Variants in PRKAR1B observed in about 807,000 individuals in gnomAD.
The protein encoded by PRKAR1B is protein kinase cAMP-dependent type I regulatory subunit beta.
Under a neutral mutation model 46.5 loss-of-function variants are expected in PRKAR1B, and 22 were observed. The ratio of observed to expected loss-of-function variants is 0.47; its 90% CI spans 0.34 to 0.68. The LOEUF (loss-of-function observed/expected upper bound fraction) is 0.68, where lower values mean the gene tolerates loss of function less well. PRKAR1B is among the 30% of genes least tolerant of loss of function. The pLI is 0.01. For missense variants in PRKAR1B, 445 were observed against 535.6 expected (o/e 0.83, Z 1.67); for synonymous variants, 259 against 217.7 (o/e 1.19, Z -1.67).
chr7:614,461 C>T (rs1161963805), intron 4 of PRKAR1B, among the ~76,000 whole-genome samples: 3 of 152,194 alleles, frequency 2.0e-5, no homozygotes, highest in African/African-American at 7.2e-5. Flanking sequence ...GCTTAGGAAG[C>T]TGACATGGGC....
intron 4 of PRKAR1B, among the ~76,000 whole-genome samples, chr7:619,041 G>A (rs1039964492): frequency 4.6e-5 from 7 of 152,200 alleles, no homozygotes; most frequent in Non-Finnish European, 8.8e-5. Context: ...CAGACTGGCA[G>A]CAAGACCCTG....
intron 2 of PRKAR1B, among the ~76,000 whole-genome samples, chr7:700,562 T>C (rs1235039374): frequency 6.6e-6 from 1 of 151,968 alleles, no homozygotes; most frequent in Non-Finnish European, 1.5e-5. Flanking sequence ...GATGACGGGA[T>C]TATCAGGTTA....
In PRKAR1B at chr7:616,991, C is replaced by CTTTTT. The variant is rs71016889; in HGVS notation, c.441-9544_441-9540dup. 1.0e-4 allele frequency among the ~76,000 whole-genome samples: 12 copies of CTTTTT among 114,590 alleles called. 1 individual carries two copies. Among genetic ancestry groups the CTTTTT allele is most frequent in the East Asian group, 5.1e-4 (2 of 3,914 alleles). 75.2% of individuals were successfully genotyped at this position (114,590 alleles called of 152,430 possible). A position where few individuals can be genotyped will look rare whatever the true frequency, so the allele number is the denominator to read the frequency against. On this transcript the variant is annotated intron_variant, in intron 4 of 10. Transcript: ENST00000537384. ...AAATCTAAACCCCAACACCCAAGTG[C>CTTTTT]TTTTTTTTTTTTTTTTTTTTGAGAC...
At chr7:626,225 C>T (rs1260220118) in intron 4 of PRKAR1B, among the ~76,000 whole-genome samples, 1 of 152,172 alleles carries the variant, frequency 6.6e-6, no homozygotes, top group Non-Finnish European at 1.5e-5. Flanking sequence ...GGCACAGCAG[C>T]TCACACCTGT....
intron 4 of PRKAR1B, among the ~76,000 whole-genome samples, chr7:621,457 C>T (rs549975858): frequency 6.6e-6 from 1 of 152,214 alleles, no homozygotes; most frequent in East Asian, 1.9e-4. Flanking sequence ...AGTCTGACAA[C>T]ACAGGGACCT....
rs1213695331 is a variant in PRKAR1B, at chr7:549,595, G to T, written c.*835C>A. The T allele has an allele frequency of 1.3e-5, 2 of 152,344 alleles. No homozygotes were observed. The highest frequency in any genetic ancestry group is 6.5e-5 in the Admixed American group (1 of 15,284). The allele number at this position is 152,344 out of a possible 1,614,324, so 9.4% of individuals were successfully genotyped here. A position where few individuals can be genotyped will look rare whatever the true frequency, so the allele number is the denominator to read the frequency against. On this transcript the variant is annotated 3_prime_UTR_variant, in exon 11 of 11. Coordinates refer to ENST00000537384, the MANE Select transcript of PRKAR1B (RefSeq NM_001164760.2). The stretch of plus-strand genomic sequence containing the variant: ...CGGTTGAGCGGGTCGGGGCGTGTGG[G>T]GCCCGCGGCTGGCTTGACTTCTGCT...
At chr7:566,200 T>C (rs1779119996) in intron 9 of PRKAR1B, among the ~76,000 whole-genome samples, 3 of 64,392 alleles carry the variant, frequency 4.7e-5, no homozygotes, top group African/African-American at 1.7e-4. Flanking sequence ...ACAACCACCA[T>C]GGCCATCTTC....
intron 4 of PRKAR1B, among the ~76,000 whole-genome samples, chr7:655,817 T>A (rs910723327): frequency 7.9e-5 from 12 of 152,162 alleles, no homozygotes; most frequent in African/African-American, 2.9e-4. Context: ...GATGAGAGCA[T>A]GCCCCAAGTG....
At chr7:580,949 A>C (rs540848352) in intron 8 of PRKAR1B, among the ~76,000 whole-genome samples, 246 of 152,262 alleles carry the variant, frequency 1.6e-3, no homozygotes, top group Non-Finnish European at 2.6e-3. Flanking sequence ...CAGATTCTGC[A>C]GCATAGGGAA....
At chr7:720,319 A>T (rs1459884049) in intron 1 of PRKAR1B, among the ~76,000 whole-genome samples, 1 of 152,014 alleles carries the variant, frequency 6.6e-6, no homozygotes, top group Non-Finnish European at 1.5e-5. Context: ...CGGCCTCCCA[A>T]AGTGCTGGGA....
At chr7:684,426 A>T (rs1778889298) in intron 2 of PRKAR1B, among the ~76,000 whole-genome samples, 1 of 152,228 alleles carries the variant, frequency 6.6e-6, no homozygotes, top group Non-Finnish European at 1.5e-5. Context: ...ATAAAAATAT[A>T]TGCATATATA....
At chr7:663,306 G>A (rs545302051) in intron 4 of PRKAR1B, among the ~76,000 whole-genome samples, 5 of 152,242 alleles carry the variant, frequency 3.3e-5, no homozygotes, top group South Asian at 2.1e-4. Context: ...ACAGCTCACC[G>A]TAGCTTCAAC....
At chr7:662,321 G>A (rs1197904973) in intron 4 of PRKAR1B, among the ~76,000 whole-genome samples, 15 of 69,834 alleles carry the variant, frequency 2.1e-4, no homozygotes, top group African/African-American at 4.1e-4. Flanking sequence ...ACTCCAACAG[G>A]TCCAAATACC....
chr7:709,474 C>G (rs1278903361), intron 2 of PRKAR1B, among the ~76,000 whole-genome samples: 1 of 150,920 alleles, frequency 6.6e-6, no homozygotes, highest in Non-Finnish European at 1.5e-5. Flanking sequence ...AGGTACACGC[C>G]ATTCTCCTGC....
chr7:582,285 G>T (rs1021952022), intron 8 of PRKAR1B, among the ~76,000 whole-genome samples: 4 of 152,268 alleles, frequency 2.6e-5, no homozygotes, highest in Non-Finnish European at 5.9e-5. Context: ...TCAGGAGAAA[G>T]CGGGGTCCCA....
chr7:623,992 C>T (rs1434895618), intron 4 of PRKAR1B, among the ~76,000 whole-genome samples: 1 of 152,190 alleles, frequency 6.6e-6, no homozygotes, highest in Non-Finnish European at 1.5e-5. Context: ...ATTGCTAGTC[C>T]ATGCCACTGG....
At chr7:574,643 C>A (rs1779716273) in intron 9 of PRKAR1B, among the ~76,000 whole-genome samples, 1 of 152,176 alleles carries the variant, frequency 6.6e-6, no homozygotes, top group East Asian at 1.9e-4. Context: ...GGGGTTTCAC[C>A]ATGTTGGCCA....
intron 4 of PRKAR1B, among the ~76,000 whole-genome samples, chr7:642,792 C>A (rs1019768879): frequency 3.3e-5 from 5 of 151,172 alleles, no homozygotes; most frequent in Admixed American, 1.3e-4. Flanking sequence ...CCCCAGTCAA[C>A]CCCATTTCCT....
chr7:684,403 G>A (rs574073589), intron 2 of PRKAR1B, among the ~76,000 whole-genome samples: 44 of 152,256 alleles, frequency 2.9e-4, no homozygotes, highest in African/African-American at 9.4e-4. Flanking sequence ...GCGACCTCTC[G>A]AATGACAGCA....
Sources: allele counts gnomAD v4.1 joint callset (sites outside exome capture counted in the v4.1 genomes callset), GRCh38; gene constraint gnomAD v4.1.1; transcripts MANE v1.5; gene names NCBI Gene and HGNC (gene_info 2026-07-23, HGNC 2026-07-21).